Variants in RASAL2 observed in about 807,000 individuals in gnomAD.
RASAL2 encodes RAS protein activator like 2.
A neutral mutation model predicts 128.9 loss-of-function variants in RASAL2; 58 were observed. That is an observed-to-expected ratio of 0.45 (90% CI 0.36 to 0.56). The LOEUF is 0.56. Ranked by LOEUF, RASAL2 falls within the 20% of genes least tolerant of loss-of-function variation. The pLI, the probability that RASAL2 is intolerant of heterozygous loss-of-function variation, is 0.00. For synonymous variants in RASAL2, 561 were observed against 580.8 expected, an observed-to-expected ratio of 0.97 and a Z score of 0.49; for missense variants, 1,360 against 1,601.6, an observed-to-expected ratio of 0.85 and a Z score of 2.57.
chr1:178,461,961 G>A (rs1678231094), intron 14 of RASAL2, among the ~76,000 whole-genome samples: 1 of 152,196 alleles, frequency 6.6e-6, no homozygotes, highest in South Asian at 2.1e-4. Flanking sequence ...TTGCCCTAAA[G>A]CGTTACTGTT....
intron 1 of RASAL2, among the ~76,000 whole-genome samples, chr1:178,255,984 T>C (rs549314862): frequency 6.6e-6 from 1 of 152,082 alleles, no homozygotes; most frequent in Admixed American, 6.5e-5. Context: ...AGTAAAAGGA[T>C]GGAAAAACAT....
chr1:178,127,563 ACCC>A, intron 1 of RASAL2, among the ~76,000 whole-genome samples: 1 of 151,956 alleles, frequency 6.6e-6, no homozygotes. Context: ...CTTTTTTGAA[ACCC>A]TGTATTTGAG....
chr1:178,295,845 A>G (rs1667473314), intron 2 of RASAL2, among the ~76,000 whole-genome samples: 1 of 152,186 alleles, frequency 6.6e-6, no homozygotes, highest in Non-Finnish European at 1.5e-5. Flanking sequence ...TCTTAAGCAT[A>G]TAGTAGTCCT....
chr1:178,242,685 C>G (rs1003520849), intron 1 of RASAL2, among the ~76,000 whole-genome samples: 3 of 152,026 alleles, frequency 2.0e-5, no homozygotes, highest in Non-Finnish European at 4.4e-5. Context: ...CCTTTTAGCT[C>G]TACTTTCTTC....
At position 178,094,289 on chromosome 1, in the gene RASAL2, C is replaced by T; in HGVS notation, c.-204C>T. ...ATCCTCCTCCCGGCCTGGGTCCCGCCCGCCGACTGCAGGTGGGCTGCATCG... is the reference window on the plus strand; with the variant it reads ...ATCCTCCTCCCGGCCTGGGTCCCGCTCGCCGACTGCAGGTGGGCTGCATCG... On this transcript the variant is annotated 5_prime_UTR_variant, in exon 1 of 18. Transcript: ENST00000367649. The T allele has an allele frequency of 3.6e-6, 2 of 551,496 alleles. No individual in the cohort carries two copies. The highest frequency in any genetic ancestry group is 6.2e-6 in the Non-Finnish European group (2 of 321,530). 34.2% of individuals were successfully genotyped at this position (551,496 alleles called of 1,614,324 possible). A position where few individuals can be genotyped will look rare whatever the true frequency, so the allele number is the denominator to read the frequency against.
chr1:178,167,527 G>T (rs973451280), intron 1 of RASAL2, among the ~76,000 whole-genome samples: 9 of 151,962 alleles, frequency 5.9e-5, no homozygotes, highest in African/African-American at 1.9e-4. Context: ...GGACAAAATG[G>T]GTATGGGGGT....
intron 12 of RASAL2, chr1:178,456,368 A>T: frequency 3.3e-6 from 1 of 306,232 alleles, no homozygotes; most frequent in African/African-American, 2.1e-5. Flanking sequence ...CCCCACCTTG[A>T]TCTACTAGCC....
intron 4 of RASAL2, among the ~76,000 whole-genome samples, chr1:178,412,665 A>G (rs1479019210): frequency 1.3e-5 from 2 of 152,202 alleles, no homozygotes; most frequent in Non-Finnish European, 2.9e-5. Context: ...GTTGATGTTA[A>G]GGTAAATATA....
chr1:178,458,829 T>G (rs934978982), intron 14 of RASAL2, among the ~76,000 whole-genome samples: 6 of 152,194 alleles, frequency 3.9e-5, no homozygotes, highest in African/African-American at 1.4e-4. Context: ...AGCAAATCTA[T>G]GATGTTGAAT....
In RASAL2 at chr1:178,439,486, A is replaced by C; in HGVS notation, c.739A>C (p.Thr247Pro). 1.2e-6 allele frequency: 2 copies of C among 1,613,030 alleles called. No homozygotes were observed. Among genetic ancestry groups the C allele is most frequent in the Non-Finnish European group, 1.7e-6 (2 of 1,179,286 alleles). The change falls in exon 6 of 18, where the codon ACA (threonine) becomes CCA (proline). Residue 247 changes from threonine (T) to proline (P), a missense_variant. Coordinates refer to ENST00000367649, the MANE Select transcript of RASAL2 (RefSeq NM_170692.4). ...TGAATCCTTGCTGAGCCCATGCAGC[A>C]CAGTGGAATGTCTGGATCTTGGTAG... The part of the protein sequence containing the change: ...SHESLLSPCS[T>P]VECLDLGRGE...
chr1:178,417,107 T>C (rs1674811715), intron 4 of RASAL2, among the ~76,000 whole-genome samples: 7 of 152,066 alleles, frequency 4.6e-5, no homozygotes, highest in Admixed American at 4.6e-4. Flanking sequence ...TATTTCTTTC[T>C]CTTTTCTCCT....
At chr1:178,288,897 C>T (rs1375621292) in intron 2 of RASAL2, among the ~76,000 whole-genome samples, 6 of 151,948 alleles carry the variant, frequency 3.9e-5, no homozygotes, top group African/African-American at 4.8e-5. Flanking sequence ...GTGATCCACC[C>T]GCCTCGGCCT....
intron 10 of RASAL2, 121 bp downstream of exon 10, chr1:178,451,836 G>T: frequency 8.0e-7 from 1 of 1,256,524 alleles, no homozygotes; most frequent in Non-Finnish European, 1.1e-6. Flanking sequence ...CAAAGGGGAG[G>T]GTCTTGGAGA....
intron 14 of RASAL2, 140 bp from the exon 15 acceptor site, chr1:178,464,138 A>G: frequency 1.0e-6 from 1 of 984,806 alleles, no homozygotes; most frequent in Non-Finnish European, 1.4e-6. Context: ...CCTTGGCATT[A>G]GTAAAATAAT....
intron 1 of RASAL2, among the ~76,000 whole-genome samples, chr1:178,139,600 C>G (rs1168146861): frequency 1.3e-5 from 2 of 151,954 alleles, no homozygotes; most frequent in African/African-American, 4.8e-5. Context: ...CGGAAAGTTA[C>G]CTATGATAGG....
rs181956815 is a variant in RASAL2 at position 178,277,422 on chromosome 1, G to A, written c.203-6142G>A. 3.4e-3 allele frequency among the ~76,000 whole-genome samples: 520 copies of A among 152,260 alleles called. 4 individuals are homozygous for A. Among genetic ancestry groups the A allele is most frequent in the African/African-American group, 0.012 (505 of 41,562 alleles). The stretch of plus-strand genomic sequence containing the variant: ...GATCCACCCACCTTGGCCTCCCAAA[G>A]TGCTGGGATTATAGGCGTGAGCCAC... On this transcript the variant is annotated intron_variant, in intron 1 of 17. Coordinates refer to ENST00000367649, the MANE Select transcript of RASAL2 (RefSeq NM_170692.4).
chr1:178,207,695 A>G (rs1407920453), intron 1 of RASAL2, among the ~76,000 whole-genome samples: 1 of 152,150 alleles, frequency 6.6e-6, no homozygotes, highest in East Asian at 1.9e-4. Context: ...AATAACTTAT[A>G]TCATACAGCT....
chr1:178,123,233 A>G lies in RASAL2; in HGVS notation c.202+28539A>G, dbSNP rs897170289. The G allele has an allele frequency of 3.3e-5, 5 of 152,242 alleles. No homozygotes were observed. The East Asian group carries it at 7.7e-4, about 23-fold the overall frequency. The allele number at this position is 152,242 out of a possible 1,614,324, so 9.4% of individuals were successfully genotyped here. A position where few individuals can be genotyped will look rare whatever the true frequency, so the allele number is the denominator to read the frequency against. ...GAGATCTCCTGACATAGAACATTCA[A>G]CATGTTATACGTATTGCTCACCTGT... On this transcript the variant is annotated intron_variant, in intron 1 of 17. Coordinates refer to ENST00000367649, the MANE Select transcript of RASAL2 (RefSeq NM_170692.4).
intron 6 of RASAL2, among the ~76,000 whole-genome samples, chr1:178,440,658 G>A (rs748968201): frequency 2.6e-5 from 4 of 152,072 alleles, no homozygotes; most frequent in Non-Finnish European, 5.9e-5. Context: ...GAACTTTCTT[G>A]TATTTGCGGA....
Sources: allele counts gnomAD v4.1 joint callset (sites outside exome capture counted in the v4.1 genomes callset), GRCh38; gene constraint gnomAD v4.1.1; transcripts MANE v1.5; gene names NCBI Gene and HGNC (gene_info 2026-07-23, HGNC 2026-07-21).